Variants in DSCAM observed in about 807,000 individuals in gnomAD.
DSCAM encodes cell adhesion molecule DSCAM.
A neutral mutation model predicts 217.7 loss-of-function variants in DSCAM; 47 were observed. The observed-to-expected ratio is 0.22, with a 90% CI of 0.17 to 0.28. The LOEUF is 0.28. DSCAM is among the 10% of genes least tolerant of loss of function. DSCAM has a pLI of 1.00. For missense variants in DSCAM, 2,080 were observed against 2,618.3 expected (o/e 0.79, Z 4.49); for synonymous variants, 1,056 against 1,015.3 (o/e 1.04, Z -0.76).
At position 40,144,874 on chromosome 21, in the gene DSCAM, A is replaced by T; in HGVS notation, c.3019-143T>A. On this transcript the variant is annotated intron_variant, in intron 16 of 32. Transcript: ENST00000400454. The surrounding 1 kb of genome is among the most constrained non-coding windows in gnomAD (Gnocchi z 4.8). ...GGCGGTGGTCCGGTAGCAGCCGCAA[A>T]CCCACGTACAGTGCAACTTGGTCTG... The T allele has an allele frequency of 8.4e-7, 1 of 1,191,886 alleles. No individual in the cohort carries two copies. The highest frequency in any genetic ancestry group is 1.5e-5 in the South Asian group (1 of 68,406). The allele number at this position is 1,191,886 out of a possible 1,614,324, so 73.8% of individuals were successfully genotyped here. A position where few individuals can be genotyped will look rare whatever the true frequency, so the allele number is the denominator to read the frequency against.
intron 3 of DSCAM, among the ~76,000 whole-genome samples, chr21:40,591,641 C>A (rs1051643788): frequency 2.0e-5 from 3 of 152,152 alleles, no homozygotes; most frequent in South Asian, 2.1e-4. Flanking sequence ...TTGGAAAGAA[C>A]AAAGTGAGGT....
intron 16 of DSCAM, among the ~76,000 whole-genome samples, chr21:40,165,243 A>G (rs1395292828): frequency 6.6e-6 from 1 of 152,270 alleles, no homozygotes; most frequent in Non-Finnish European, 1.5e-5. Context: ...TGTTATATGT[A>G]ACATATTGTC....
At chr21:40,369,382 C>CTGAG in intron 3 of DSCAM, 137 bp from the exon 4 acceptor site, 7 of 508,714 alleles carry the variant, frequency 1.4e-5, no homozygotes, top group East Asian at 4.0e-5. Context: ...GTGCGTGCGT[C>CTGAG]TGCGTGTGTG....
intron 24 of DSCAM, among the ~76,000 whole-genome samples, chr21:40,083,643 T>G (rs1218721864): frequency 6.6e-6 from 1 of 152,242 alleles, no homozygotes; most frequent in Non-Finnish European, 1.5e-5. Context: ...AAAAGAGATA[T>G]CCAAATTTCT....
At chr21:40,367,753 T>C (rs984756758) in intron 4 of DSCAM, among the ~76,000 whole-genome samples, 1 of 152,222 alleles carries the variant, frequency 6.6e-6, no homozygotes, top group Non-Finnish European at 1.5e-5. Flanking sequence ...TAGTCCTGAA[T>C]GCTCAGTCTT....
intron 3 of DSCAM, among the ~76,000 whole-genome samples, chr21:40,508,113 C>T (rs1030590691): frequency 8.5e-5 from 13 of 152,136 alleles, no homozygotes; most frequent in African/African-American, 3.1e-4. Flanking sequence ...CAGTGTGGGT[C>T]CCAGCAGATT....
intron 32 of DSCAM, among the ~76,000 whole-genome samples, chr21:40,031,120 ACT>A (rs1454671788): frequency 6.6e-6 from 1 of 152,088 alleles, no homozygotes; most frequent in Admixed American, 6.5e-5. Context: ...TAAAAGGCTC[ACT>A]GTTTTTCTTG....
chr21:40,338,139 T>A lies in DSCAM; in HGVS notation c.1745A>T (p.Gln582Leu). ...EYTCNVLVQP[Q>L]LSTSQSVHVT... ...GTGGACGCTCTGGCTGGTGGAGAGT[T>A]GTGGTTGAACCAACACGTTGCACGT... Residue 582 changes from glutamine (Q) to leucine (L), a missense_variant, in exon 8 of 33, where the codon CAA (glutamine) becomes CTA (leucine). Around this residue, in one of 5 missense-constraint regions of DSCAM, gnomAD observed 218 missense variants for 364.1 expected, o/e 0.60. Coordinates refer to ENST00000400454, the MANE Select transcript of DSCAM (RefSeq NM_001389.5). 6.2e-7 allele frequency: 1 copy of A among 1,614,250 alleles called. No individual in the cohort carries two copies. The highest frequency in any genetic ancestry group is 2.2e-5 in the East Asian group (1 of 44,884).
intron 3 of DSCAM, among the ~76,000 whole-genome samples, chr21:40,535,094 T>A (rs1239677829): frequency 6.6e-6 from 1 of 152,186 alleles, no homozygotes; most frequent in Non-Finnish European, 1.5e-5. Flanking sequence ...CTGCTCCCTA[T>A]CTGATCTGCA....
chr21:40,574,243 T>C (rs571377778), intron 3 of DSCAM, among the ~76,000 whole-genome samples: 1 of 152,128 alleles, frequency 6.6e-6, no homozygotes, highest in Admixed American at 6.5e-5. Context: ...ATATTAGCAA[T>C]TGGATGCTAT....
intron 3 of DSCAM, among the ~76,000 whole-genome samples, chr21:40,517,543 A>T (rs990546926): frequency 6.6e-6 from 1 of 152,042 alleles, no homozygotes; most frequent in African/African-American, 2.4e-5. Context: ...TGACTCAGGT[A>T]ATCTCTAAGC....
intron 24 of DSCAM, 31 bp downstream of exon 24, chr21:40,083,877 C>T: frequency 6.4e-7 from 1 of 1,558,948 alleles, no homozygotes. Context: ...CACAACTAAT[C>T]AACTATTGTG....
At chr21:40,229,048 C>T (rs1417022745) in intron 11 of DSCAM, among the ~76,000 whole-genome samples, 5 of 152,200 alleles carry the variant, frequency 3.3e-5, no homozygotes, top group Admixed American at 6.5e-5. Flanking sequence ...TAAACTCCCA[C>T]TTCATGGTGA....
At chr21:40,198,339 G>A (rs182212466) in intron 11 of DSCAM, among the ~76,000 whole-genome samples, 2 of 152,078 alleles carry the variant, frequency 1.3e-5, no homozygotes, top group Admixed American at 1.3e-4. Flanking sequence ...CTCTGGCATG[G>A]TGATACTGGC....
At chr21:40,431,199 G>T (rs2075528163) in intron 3 of DSCAM, among the ~76,000 whole-genome samples, 1 of 152,080 alleles carries the variant, frequency 6.6e-6, no homozygotes, top group Non-Finnish European at 1.5e-5. Context: ...CATGTAATGG[G>T]GTGTACAACT....
Position 40,227,704 on chromosome 21 carries a change from A to G in DSCAM, c.2357-38466T>C, listed in dbSNP as rs142240506. Reference sequence around the variant, plus strand: ...AGTAATAAGCAACATTTTAGAATACATTTAGATTTATAGAAAAGTTGAGAT... The same window carrying G: ...AGTAATAAGCAACATTTTAGAATACGTTTAGATTTATAGAAAAGTTGAGAT... On this transcript the variant is annotated intron_variant, in intron 11 of 32. Transcript: ENST00000400454. Among the ~76,000 whole-genome samples, 480 of 152,288 alleles carry G rather than the reference A, an allele frequency of 3.2e-3. 3 individuals are homozygous for G. Among genetic ancestry groups the G allele is most frequent in the Non-Finnish European group, 4.9e-3 (334 of 68,014 alleles).
chr21:40,753,055 G>A (rs560161213), intron 1 of DSCAM, among the ~76,000 whole-genome samples: 59 of 152,298 alleles, frequency 3.9e-4, no homozygotes, highest in Non-Finnish European at 7.9e-4. Flanking sequence ...AGTTCAGGGA[G>A]CCCAGCCTTT....
chr21:40,217,629 A>G lies in DSCAM; in HGVS notation c.2357-28391T>C, dbSNP rs567379785. ...TTTACACTTCCACCAATAGTGTATA[A>G]GCATTCCTTTTTCTCCACAACCTCT... On this transcript the variant is annotated intron_variant, in intron 11 of 32. Transcript: ENST00000400454. Among the ~76,000 whole-genome samples, 3 of 152,276 alleles carry G rather than the reference A, an allele frequency of 2.0e-5. No homozygotes were observed. In the South Asian group the frequency reaches 6.2e-4, roughly 32 times the overall value.
chr21:40,543,556 T>A (rs1448231210), intron 3 of DSCAM, among the ~76,000 whole-genome samples: 1 of 151,170 alleles, frequency 6.6e-6, no homozygotes, highest in Non-Finnish European at 1.5e-5. Flanking sequence ...TATTCATACC[T>A]CATGGGAAGG....
Sources: allele counts gnomAD v4.1 joint callset (sites outside exome capture counted in the v4.1 genomes callset), GRCh38; gene constraint gnomAD v4.1.1; regional missense constraint gnomAD v4.1.1; non-coding constraint Gnocchi (gnomAD v3.1); transcripts MANE v1.5; gene names NCBI Gene and HGNC (gene_info 2026-07-23, HGNC 2026-07-21).